The following APPBP2 variants were observed in gnomAD, a reference collection of about 807,000 sequenced individuals.
APPBP2 encodes the protein amyloid protein-binding protein 2.
APPBP2 carries 15 observed loss-of-function variants against 76.0 expected under a neutral mutation model. The ratio of observed to expected loss-of-function variants is 0.20; its 90% CI spans 0.13 to 0.30. APPBP2 has a LOEUF of 0.30. APPBP2 is among the 10% of genes least tolerant of loss of function. The pLI is 1.00. For missense variants in APPBP2, 401 were observed against 687.2 expected (o/e 0.58, Z 4.66); for synonymous variants, 222 against 242.2 (o/e 0.92, Z 0.77).
intron 9 of APPBP2, among the ~76,000 whole-genome samples, chr17:60,458,775 T>C (rs1327261608): frequency 6.8e-6 from 1 of 146,126 alleles, no homozygotes. Context: ...TTCTGGTTTT[T>C]TTTTTTGTTT....
intron 1 of APPBP2, among the ~76,000 whole-genome samples, chr17:60,509,065 C>G (rs1374184585): frequency 1.3e-5 from 2 of 152,082 alleles, no homozygotes; most frequent in Non-Finnish European, 2.9e-5. Flanking sequence ...GCATCCTGAT[C>G]CAAACAAGCA....
intron 2 of APPBP2, among the ~76,000 whole-genome samples, chr17:60,497,359 T>G (rs2090784366): frequency 6.6e-6 from 1 of 152,040 alleles, no homozygotes; most frequent in South Asian, 2.1e-4. Context: ...GAAGGGTAAC[T>G]GGGAGAGGGG....
At chr17:60,490,060 ACAAAAC>A (rs796849466) in intron 3 of APPBP2, among the ~76,000 whole-genome samples, 35 of 152,138 alleles carry the variant, frequency 2.3e-4, no homozygotes, top group African/African-American at 8.0e-4. Context: ...ACAAAACAAA[ACAAAAC>A]AAAAACCCCC....
intron 3 of APPBP2, among the ~76,000 whole-genome samples, chr17:60,490,858 C>G (rs777632165): frequency 8.5e-5 from 13 of 152,156 alleles, no homozygotes; most frequent in Non-Finnish European, 1.5e-4. Flanking sequence ...CTTTTACCTT[C>G]CACCATGATT....
intron 1 of APPBP2, among the ~76,000 whole-genome samples, chr17:60,513,870 T>C (rs1598375565): frequency 1.4e-5 from 2 of 145,700 alleles, no homozygotes; most frequent in Admixed American, 6.9e-5. Flanking sequence ...AAAAAGAAAA[T>C]AGAGCATATA....
intron 10 of APPBP2, among the ~76,000 whole-genome samples, chr17:60,455,112 A>G (rs1235120664): frequency 2.0e-5 from 3 of 152,164 alleles, no homozygotes; most frequent in African/African-American, 7.2e-5. Flanking sequence ...TCACTGTAGC[A>G]TTTTTTAAAA....
At position 60,445,962 on chromosome 17, in the gene APPBP2, A is replaced by C. The variant is rs2090343211; in HGVS notation, c.*1619T>G. 1 of 152,176 alleles carries C rather than the reference A, an allele frequency of 6.6e-6. No individual in the cohort carries two copies. Among genetic ancestry groups the C allele is most frequent in the African/African-American group, 2.4e-5 (1 of 41,446 alleles). The allele number at this position is 152,176 out of a possible 1,614,324, so 9.4% of individuals were successfully genotyped here. A position where few individuals can be genotyped will look rare whatever the true frequency, so the allele number is the denominator to read the frequency against. On this transcript the variant is annotated 3_prime_UTR_variant, in exon 13 of 13. Transcript: ENST00000083182. ...TCAAACAAGGTTGGGAAGTTCAAAAAAGTGCTTAAAATATTAATAAAATTT... is the reference window on the plus strand; with the variant it reads ...TCAAACAAGGTTGGGAAGTTCAAAACAGTGCTTAAAATATTAATAAAATTT...
chr17:60,480,917 C>G (rs1328330954), intron 3 of APPBP2, among the ~76,000 whole-genome samples: 1 of 152,132 alleles, frequency 6.6e-6, no homozygotes, highest in Non-Finnish European at 1.5e-5. Context: ...CAAAAACACC[C>G]CAGGGTGTGC....
At chr17:60,521,081 A>C (rs2091006559) in intron 1 of APPBP2, among the ~76,000 whole-genome samples, 1 of 152,192 alleles carries the variant, frequency 6.6e-6, no homozygotes, top group Admixed American at 6.5e-5. Context: ...GACTACAGGC[A>C]TATATCACTC....
At chr17:60,468,253 T>C (rs1322427157) in intron 4 of APPBP2, among the ~76,000 whole-genome samples, 2 of 152,000 alleles carry the variant, frequency 1.3e-5, no homozygotes, top group Non-Finnish European at 2.9e-5. Flanking sequence ...ACTCTGGCTA[T>C]AGCAAAGCCA....
chr17:60,447,768 T>C lies in APPBP2; in HGVS notation c.1571A>G (p.Tyr524Cys). ...TTTCTCGTAATTTCCAATGGAGTTGTAAAGTTTAATGAGACCTCGATAATC... is the reference window on the plus strand; with the variant it reads ...TTTCTCGTAATTTCCAATGGAGTTGCAAAGTTTAATGAGACCTCGATAATC... ...EYDYRGLIKL[Y>C]NSIGNYEKVF... Residue 524 changes from tyrosine (Y) to cysteine (C), a missense_variant, in exon 13 of 13, where the codon TAC becomes TGC. Tyr to Cys is a radical substitution (Grantham distance 194). Coordinates refer to ENST00000083182, the MANE Select transcript of APPBP2 (RefSeq NM_006380.5). The C allele has an allele frequency of 6.2e-7, 1 of 1,613,792 alleles. No homozygotes were observed. The highest frequency in any genetic ancestry group is 8.5e-7 in the Non-Finnish European group (1 of 1,179,978).
intron 4 of APPBP2, among the ~76,000 whole-genome samples, chr17:60,471,474 TGAA>T (rs2090552104): frequency 1.3e-5 from 2 of 151,448 alleles, no homozygotes; most frequent in African/African-American, 4.9e-5. Context: ...TTTATCATAT[TGAA>T]GAAGTTCCTT....
At chr17:60,469,349 A>T (rs1368572041) in intron 4 of APPBP2, among the ~76,000 whole-genome samples, 1 of 150,366 alleles carries the variant, frequency 6.7e-6, no homozygotes, top group African/African-American at 2.5e-5. Flanking sequence ...AAAAAATTGG[A>T]AATAAATGAT....
intron 1 of APPBP2, among the ~76,000 whole-genome samples, chr17:60,502,124 G>C (rs1212295597): frequency 3.9e-5 from 6 of 152,104 alleles, no homozygotes; most frequent in African/African-American, 1.4e-4. Context: ...CACAATTATA[G>C]CTCAATGCAG....
chr17:60,480,148 T>C (rs943798681), intron 3 of APPBP2, among the ~76,000 whole-genome samples: 1 of 152,142 alleles, frequency 6.6e-6, no homozygotes, highest in Non-Finnish European at 1.5e-5. Context: ...TTTTTGCACA[T>C]TAAAAAATCT....
intron 5 of APPBP2, 138 bp downstream of exon 5, chr17:60,466,153 A>G (rs930793404): frequency 2.7e-5 from 22 of 811,610 alleles, no homozygotes; most frequent in Non-Finnish European, 3.6e-5. Context: ...TAAATTTTCC[A>G]TTACAAATGT....
intron 1 of APPBP2, among the ~76,000 whole-genome samples, chr17:60,524,316 A>T (rs139920147): frequency 2.7e-3 from 418 of 152,360 alleles, no homozygotes; most frequent in Non-Finnish European, 4.1e-3. Flanking sequence ...TAAAATGGAC[A>T]GAGAGCACAC....
At chr17:60,501,224 A>C (rs1014163120) in intron 1 of APPBP2, among the ~76,000 whole-genome samples, 1 of 151,912 alleles carries the variant, frequency 6.6e-6, no homozygotes, top group Admixed American at 6.6e-5. Flanking sequence ...AGGCAAGGGG[A>C]CTGCTTGAGC....
intron 4 of APPBP2, among the ~76,000 whole-genome samples, chr17:60,471,665 T>C (rs1036342969): frequency 3.3e-5 from 5 of 152,112 alleles, no homozygotes; most frequent in Non-Finnish European, 7.4e-5. Context: ...CTGGGATAAA[T>C]CTCACTTTGT....
Sources: allele counts gnomAD v4.1 joint callset (sites outside exome capture counted in the v4.1 genomes callset), GRCh38; gene constraint gnomAD v4.1.1; transcripts MANE v1.5; gene names NCBI Gene and HGNC (gene_info 2026-07-23, HGNC 2026-07-21).